TF: variants seen among roughly 807,000 people sequenced by gnomAD.
TF encodes transferrin, also known as serotransferrin.
A neutral mutation model predicts 82.4 loss-of-function variants in TF; 55 were observed. The observed-to-expected ratio is 0.67, with a 90% CI of 0.54 to 0.84. TF has a LOEUF of 0.84. TF is among the 40% of genes least tolerant of loss of function. The pLI, the probability that TF is intolerant of heterozygous loss-of-function variation, is 0.00. For synonymous variants in TF, 332 were observed against 332.6 expected (o/e 1.00, Z 0.02); for missense variants, 737 against 868.4 (o/e 0.85, Z 1.90).
the TF span, among the ~76,000 whole-genome samples, chr3:133,666,229 G>A: frequency 2.6e-5 from 4 of 152,170 alleles, no homozygotes; most frequent in Non-Finnish European, 5.9e-5. Flanking sequence ...TTAGAGTGCA[G>A]TGGCATGATC....
At chr3:133,749,560 C>T (rs1933604129) in intron 2 of TF, among the ~76,000 whole-genome samples, 1 of 152,304 alleles carries the variant, frequency 6.6e-6, no homozygotes, top group African/African-American at 2.4e-5. Context: ...GAAAAACCTG[C>T]TTTGTCCTGG....
chr3:133,716,774 A>C, the TF span, among the ~76,000 whole-genome samples: 1 of 152,150 alleles, frequency 6.6e-6, no homozygotes, highest in Non-Finnish European at 1.5e-5. Flanking sequence ...TGCCTCTTTG[A>C]TCTGTAAGGT....
chr3:133,744,783 C>T (rs952798760), upstream of TF, among the ~76,000 whole-genome samples: 1 of 152,210 alleles, frequency 6.6e-6, no homozygotes, highest in Non-Finnish European at 1.5e-5. Context: ...ATGAGATAAT[C>T]TTTTGGAGTG....
At chr3:133,670,945 A>C in the TF span, among the ~76,000 whole-genome samples, 2 of 152,232 alleles carry the variant, frequency 1.3e-5, no homozygotes, top group African/African-American at 4.8e-5. Context: ...CAGGGCTGGA[A>C]AAACAGAAGT....
intron 13 of TF, 144 bp downstream of exon 13, chr3:133,768,308 C>A: frequency 1.7e-6 from 2 of 1,171,920 alleles, no homozygotes; most frequent in South Asian, 2.9e-5. Flanking sequence ...AGATATAGAG[C>A]CACATGGGGA....
At chr3:133,670,149 A>G in the TF span, among the ~76,000 whole-genome samples, 61 of 152,362 alleles carry the variant, frequency 4.0e-4, no homozygotes, top group African/African-American at 1.4e-3. Flanking sequence ...TTTGAATGCC[A>G]GCTTGGACAC....
chr3:133,757,016 C>T lies in TF; in HGVS notation c.870+7C>T, dbSNP rs1933857744. 1.2e-5 allele frequency: 19 copies of T among 1,614,036 alleles called. No individual in the cohort carries two copies. The highest frequency in any genetic ancestry group is 1.5e-5 in the Non-Finnish European group (18 of 1,180,030). On this transcript the variant is annotated splice_region_variant and intron_variant, in intron 7 of 16. Coordinates refer to ENST00000402696, the MANE Select transcript of TF (RefSeq NM_001063.4). ...GCTTCTCAACCAGGCCCAGGTATCCCCACCTGCCATCCTCCCCTCCAGCTT... is the reference window on the plus strand; with the variant it reads ...GCTTCTCAACCAGGCCCAGGTATCCTCACCTGCCATCCTCCCCTCCAGCTT...
At chr3:133,742,822 C>T (rs773085046), upstream of TF, among the ~76,000 whole-genome samples, 11 of 152,214 alleles carry the variant, frequency 7.2e-5, no homozygotes, top group Non-Finnish European at 1.5e-4. Context: ...TTCTTACCCA[C>T]CTCCTGCTGG....
Position 133,775,523 on chromosome 3 carries a change from A to G in TF, c.1778A>G (p.Tyr593Cys). ...LDGTRKPVEEYANCHLARAPN... is the reference protein window; with the variant it reads ...LDGTRKPVEECANCHLARAPN... The stretch of plus-strand genomic sequence containing the variant: ...GGTACCAGGAAACCTGTGGAGGAGT[A>G]TGCGAACTGCCACCTGGCCAGAGCC... The change falls in exon 15 of 17, where the codon TAT (tyrosine) becomes TGT (cysteine). Residue 593 changes from tyrosine to cysteine, a missense_variant. Physicochemically the swap from Tyr to Cys is radical, Grantham distance 194. Coordinates refer to ENST00000402696, the MANE Select transcript of TF (RefSeq NM_001063.4). 1 of 1,614,212 alleles carries G rather than the reference A, an allele frequency of 6.2e-7. No homozygotes were observed. Among genetic ancestry groups the G allele is most frequent in the Non-Finnish European group, 8.5e-7 (1 of 1,180,028 alleles).
chr3:133,775,432 G>A lies in TF; in HGVS notation c.1688-1G>A. On this transcript the variant is annotated splice_acceptor_variant, in intron 14 of 16. Coordinates refer to ENST00000402696, the MANE Select transcript of TF (RefSeq NM_001063.4). LOFTEE classifies it high-confidence loss of function. ...CTGAACCACCTTCTTCCTGTCCCTA[G>A]GAAAAAACCCTGATCCATGGGCTAA... 1 of 1,614,168 alleles carries A rather than the reference G, an allele frequency of 6.2e-7. No individual in the cohort carries two copies. Among genetic ancestry groups the A allele is most frequent in the Non-Finnish European group, 8.5e-7 (1 of 1,180,026 alleles).
At chr3:133,754,414 C>T (rs41298983) in intron 3 of TF, 81 bp from the exon 4 acceptor site, 1 of 1,452,254 alleles carries the variant, frequency 6.9e-7, no homozygotes, top group Non-Finnish European at 9.7e-7. Context: ...CGCTCCCCTC[C>T]CTCCTCAAGA....
chr3:133,717,228 C>T, the TF span, among the ~76,000 whole-genome samples: 19 of 152,316 alleles, frequency 1.2e-4, no homozygotes, highest in East Asian at 2.1e-3. Context: ...AAGCAGCTTA[C>T]ACCAAGGGCA....
chr3:133,728,144 T>C, the TF span, among the ~76,000 whole-genome samples: 2 of 152,212 alleles, frequency 1.3e-5, no homozygotes, highest in African/African-American at 4.8e-5. Flanking sequence ...GGAGTTGTTC[T>C]TCTCGAGGAG....
chr3:133,744,626 G>T (rs776661665), upstream of TF, among the ~76,000 whole-genome samples: 71 of 152,172 alleles, frequency 4.7e-4, 1 homozygote, highest in Non-Finnish European at 9.1e-4. Flanking sequence ...GACGGGCAAG[G>T]GGGGAGTAAG....
chr3:133,674,820 A>C, the TF span, among the ~76,000 whole-genome samples: 1 of 152,278 alleles, frequency 6.6e-6, no homozygotes, highest in East Asian at 1.9e-4. Context: ...GGCGCACCTG[A>C]CACTTAGGTC....
the TF span, among the ~76,000 whole-genome samples, chr3:133,679,569 CTTTT>C: frequency 8.0e-5 from 6 of 75,386 alleles, no homozygotes; most frequent in South Asian, 1.1e-3. Flanking sequence ...CTTTGTTTGG[CTTTT>C]TTTTTTTTTT....
At chr3:133,747,092 G>A (rs1213763683) in intron 1 of TF, 3 of 154,172 alleles carry the variant, frequency 1.9e-5, no homozygotes, top group Non-Finnish European at 4.3e-5. Context: ...AGTGGCTGAC[G>A]CCACACTCCC....
At chr3:133,702,240 C>T in the TF span, among the ~76,000 whole-genome samples, 1 of 152,118 alleles carries the variant, frequency 6.6e-6, no homozygotes, top group African/African-American at 2.4e-5. Context: ...CAGGCCCCTC[C>T]AGCTCTGGGC....
the TF span, among the ~76,000 whole-genome samples, chr3:133,698,832 C>T: frequency 6.6e-6 from 1 of 152,322 alleles, no homozygotes; most frequent in African/African-American, 2.4e-5. Flanking sequence ...ATCAAAGAGG[C>T]TGTTTTACTC....
Sources: gnomAD v4.1 joint callset for allele counts (sites outside exome capture counted in the v4.1 genomes callset) on GRCh38, gnomAD v4.1.1 for gene constraint, MANE v1.5 for transcripts, NCBI Gene and HGNC (gene_info 2026-07-23, HGNC 2026-07-21) for gene names.